KAZN: variants seen among roughly 807,000 people sequenced by gnomAD.
The protein encoded by KAZN is kazrin.
KAZN carries 40 observed loss-of-function variants against 87.4 expected under a neutral mutation model. The observed-to-expected ratio is 0.46, with a 90% CI of 0.36 to 0.60. The LOEUF is 0.60. Among genes scored for constraint, KAZN ranks in the 20% least tolerant of loss-of-function variants. The pLI, the probability that KAZN is intolerant of heterozygous loss-of-function variation, is 0.00. For synonymous variants in KAZN, 466 were observed against 458.3 expected, an observed-to-expected ratio of 1.02 and a Z score of -0.22; for missense variants, 898 against 1,073.9, an observed-to-expected ratio of 0.84 and a Z score of 2.29.
chr1:14,886,530 G>A (rs747982295), intron 1 of KAZN, among the ~76,000 whole-genome samples: 2 of 152,030 alleles, frequency 1.3e-5, no homozygotes, highest in South Asian at 2.1e-4. Context: ...GGTGGCTCAC[G>A]CCTGTAATCC....
intron 2 of KAZN, among the ~76,000 whole-genome samples, chr1:14,371,639 TGAC>T (rs1326947966): frequency 6.6e-6 from 1 of 152,086 alleles, no homozygotes; most frequent in Admixed American, 6.6e-5. Context: ...ATAAAGCACA[TGAC>T]AAGAGAGTAA....
intron 4 of KAZN, among the ~76,000 whole-genome samples, chr1:15,054,235 C>G (rs1674700860): frequency 6.6e-6 from 1 of 152,036 alleles, no homozygotes; most frequent in Admixed American, 6.6e-5. Context: ...GCAAAGCCAG[C>G]ACTCACAGTG....
At chr1:14,138,863 T>C (rs761580391) in intron 1 of KAZN, among the ~76,000 whole-genome samples, 1 of 33,048 alleles carries the variant, frequency 3.0e-5, no homozygotes, top group Non-Finnish European at 4.7e-5. Flanking sequence ...CAGGCATGGC[T>C]CTTCCAACAC....
At chr1:14,995,082 C>T (rs1287749359) in intron 2 of KAZN, among the ~76,000 whole-genome samples, 3 of 152,218 alleles carry the variant, frequency 2.0e-5, no homozygotes, top group African/African-American at 7.2e-5. Context: ...TGGCTGGCCC[C>T]TCGGGAAGGG....
chr1:13,993,462 A>C (rs1247417203), intron 1 of KAZN, among the ~76,000 whole-genome samples: 1 of 152,238 alleles, frequency 6.6e-6, no homozygotes, highest in East Asian at 1.9e-4. Context: ...TCTATAATAA[A>C]TAAACAATTT....
chr1:14,292,678 A>T (rs1653803857), intron 2 of KAZN, among the ~76,000 whole-genome samples: 1 of 152,188 alleles, frequency 6.6e-6, no homozygotes, highest in African/African-American at 2.4e-5. Context: ...TGGGTGATAA[A>T]TGTGCTCCCG....
chr1:13,963,416 C>T (rs996082727), intron 1 of KAZN, among the ~76,000 whole-genome samples: 1 of 152,182 alleles, frequency 6.6e-6, no homozygotes, highest in Admixed American at 6.5e-5. Context: ...CCTCTAGCTA[C>T]GTTGCTGGCT....
chr1:14,296,214 A>G (rs1418619633), intron 2 of KAZN, among the ~76,000 whole-genome samples: 1 of 152,230 alleles, frequency 6.6e-6, no homozygotes, highest in Non-Finnish European at 1.5e-5. Flanking sequence ...TGTTATTACT[A>G]CCATCACTGC....
intron 1 of KAZN, among the ~76,000 whole-genome samples, chr1:13,975,333 C>T (rs887139985): frequency 6.6e-6 from 1 of 152,156 alleles, no homozygotes; most frequent in Non-Finnish European, 1.5e-5. Context: ...ACAGCCCATA[C>T]CAAGCATATA....
intron 2 of KAZN, among the ~76,000 whole-genome samples, chr1:14,344,297 A>G (rs1028964894): frequency 2.6e-5 from 4 of 151,714 alleles, no homozygotes; most frequent in Non-Finnish European, 5.9e-5. Flanking sequence ...TGCTGGAATT[A>G]TAAAATACAC....
Position 14,460,611 on chromosome 1 carries a change from C to T in KAZN, c.250-138372C>T, listed in dbSNP as rs76829537. On this transcript the variant is annotated intron_variant, in intron 2 of 16. Coordinates refer to the KAZN transcript ENST00000636203. ...TACTCCTCTCCTCCTCTATGACAATCTTTCCCCTAATGTACTTTAAGTCAC... is the reference window on the plus strand; with the variant it reads ...TACTCCTCTCCTCCTCTATGACAATTTTTCCCCTAATGTACTTTAAGTCAC... Among the ~76,000 whole-genome samples the T allele has an allele frequency of 1.6e-3, 239 of 152,300 alleles. 1 individual carries two copies. In the East Asian group the frequency reaches 0.028, roughly 18 times the overall value.
chr1:13,912,559 A>C (rs1639691347), intron 1 of KAZN, among the ~76,000 whole-genome samples: 1 of 152,194 alleles, frequency 6.6e-6, no homozygotes, highest in Admixed American at 6.5e-5. Flanking sequence ...AAAATTGATA[A>C]AGTGTTGACT....
chr1:13,957,686 T>C lies in KAZN; in HGVS notation c.91+63930T>C, dbSNP rs114075008. 9.0e-3 allele frequency among the ~76,000 whole-genome samples: 1,366 copies of C among 152,096 alleles called. 24 individuals carry two copies. Among genetic ancestry groups the C allele is most frequent in the African/African-American group, 0.031 (1,301 of 41,498 alleles). On this transcript the variant is annotated intron_variant, in intron 1 of 16. Coordinates refer to the KAZN transcript ENST00000636203. ...GGTGAGAGAGAAAGCAAGGTGGGGA[T>C]GGGTGAGATGTGAGGCACTTTTTAA... is the stretch of plus-strand genomic sequence containing the variant.
chr1:13,902,472 C>G (rs1307077578), intron 1 of KAZN, among the ~76,000 whole-genome samples: 2 of 152,198 alleles, frequency 1.3e-5, no homozygotes, highest in Non-Finnish European at 2.9e-5. Flanking sequence ...TCTAAACCAG[C>G]TTCCAAACAA....
chr1:14,881,699 G>GAATCAAGT (rs1653357703), intron 1 of KAZN, among the ~76,000 whole-genome samples: 1 of 152,154 alleles, frequency 6.6e-6, no homozygotes, highest in South Asian at 2.1e-4. Context: ...AAATCACCTG[G>GAATCAAGT]AATCAAGTTT....
chr1:14,879,731 A>G (rs1653133752), intron 1 of KAZN, among the ~76,000 whole-genome samples: 2 of 152,206 alleles, frequency 1.3e-5, no homozygotes, highest in African/African-American at 4.8e-5. Flanking sequence ...TACAATTTGA[A>G]TTGTGTGACT....
rs530123016 is a variant in KAZN, at chr1:14,164,891, A to G, written c.92-15544A>G. Among the ~76,000 whole-genome samples the G allele has an allele frequency of 1.6e-4, 25 of 152,236 alleles. 1 individual carries two copies. In the South Asian group the frequency reaches 5.2e-3, roughly 32 times the overall value. ...ATTGTTGGGAATGATTTCACCTCTG[A>G]GCATATTCATTGTAATTTGGGGGAG... On this transcript the variant is annotated intron_variant, in intron 1 of 16. Coordinates refer to the KAZN transcript ENST00000636203.
chr1:14,885,770 G>A (rs1653971737), intron 1 of KAZN, among the ~76,000 whole-genome samples: 1 of 152,104 alleles, frequency 6.6e-6, no homozygotes, highest in African/African-American at 2.4e-5. Flanking sequence ...TCACTGCTCA[G>A]CATCTTGTCC....
intron 2 of KAZN, among the ~76,000 whole-genome samples, chr1:14,398,834 C>G: frequency 6.6e-6 from 1 of 152,060 alleles, no homozygotes; most frequent in East Asian, 1.9e-4. Flanking sequence ...GGTGCAGGAC[C>G]CCGTTGTGTT....
Sources: gnomAD v4.1 joint callset for allele counts (sites outside exome capture counted in the v4.1 genomes callset) on GRCh38, gnomAD v4.1.1 for gene constraint, MANE v1.5 for transcripts, NCBI Gene and HGNC (gene_info 2026-07-23, HGNC 2026-07-21) for gene names.